CTDP1: variants seen among roughly 807,000 people sequenced by gnomAD.
CTDP1 encodes CTD phosphatase 1.
A neutral mutation model predicts 91.8 loss-of-function variants in CTDP1; 47 were observed. The ratio of observed to expected loss-of-function variants is 0.51; its 90% CI spans 0.41 to 0.65. The LOEUF (loss-of-function observed/expected upper bound fraction) is 0.65, where lower values mean the gene tolerates loss of function less well. CTDP1 is among the 30% of genes least tolerant of loss of function. The probability of loss-of-function intolerance (pLI) is 0.00; values close to 1 mark genes in which losing one functional copy is unlikely to be tolerated. For synonymous variants in CTDP1, 656 were observed against 598.5 expected, an observed-to-expected ratio of 1.10 and a Z score of -1.40; for missense variants, 1,272 against 1,373.7, an observed-to-expected ratio of 0.93 and a Z score of 1.17.
intron 12 of CTDP1, among the ~76,000 whole-genome samples, chr18:79,742,482 G>A (rs533936613): frequency 3.3e-5 from 5 of 152,316 alleles, no homozygotes; most frequent in Admixed American, 6.5e-5. Context: ...ACTAGCAGAC[G>A]CACCTTACAA....
chr18:79,736,396 C>T lies in CTDP1; in HGVS notation c.2622C>T (p.Ser874=), dbSNP rs533283472. Residue 874 remains serine, a synonymous_variant, in exon 12 of 13, where the codon AGC becomes AGT. Transcript: ENST00000613122. Reference sequence around the variant, plus strand: ...GAGAAGGCAGCGACGACAGCGACAGCGAGAAGAGGAGGCCTGAGGAGCAGG... The same window carrying T: ...GAGAAGGCAGCGACGACAGCGACAGTGAGAAGAGGAGGCCTGAGGAGCAGG... The part of the protein sequence containing the change: ...ILGEGSDDSD[S]EKRRPEEQEE... 4.5e-5 allele frequency: 70 copies of T among 1,549,414 alleles called. No homozygotes were observed. The South Asian group carries it at 6.1e-4, about 13-fold the overall frequency.
At chr18:79,690,306 G>GT (rs2085593539) in intron 1 of CTDP1, among the ~76,000 whole-genome samples, 1 of 152,170 alleles carries the variant, frequency 6.6e-6, no homozygotes, top group Admixed American at 6.5e-5. Flanking sequence ...ACAGAGTTTG[G>GT]TACTTACTAT....
chr18:79,697,659 T>C (rs1326564858), intron 3 of CTDP1, among the ~76,000 whole-genome samples: 1 of 152,226 alleles, frequency 6.6e-6, no homozygotes, highest in Non-Finnish European at 1.5e-5. Flanking sequence ...AACTGAATTA[T>C]AAAATTGTGG....
At chr18:79,695,008 G>A (rs754540604) in intron 1 of CTDP1, among the ~76,000 whole-genome samples, 1 of 152,154 alleles carries the variant, frequency 6.6e-6, no homozygotes, top group Non-Finnish European at 1.5e-5. Context: ...GAGGTGTGGT[G>A]GCGTGTCATT....
chr18:79,686,927 G>A (rs2085508083), intron 1 of CTDP1, among the ~76,000 whole-genome samples: 2 of 149,268 alleles, frequency 1.3e-5, no homozygotes, highest in South Asian at 2.2e-4. Context: ...GCAGCAGTTG[G>A]CTTCTCCAGT....
upstream of CTDP1, chr18:79,679,293 G>C (rs867850853): frequency 2.4e-6 from 1 of 410,676 alleles, no homozygotes; most frequent in Admixed American, 2.5e-5. Flanking sequence ...TCCGGGGGGG[G>C]ACACGAGGCG....
Position 79,715,050 on chromosome 18 carries a change from G to GCCCAA in CTDP1, c.1590_1591insCCCAA (p.Gly531ProfsTer111). 5 of 1,610,356 alleles carry GCCCAA rather than the reference G, an allele frequency of 3.1e-6. No homozygotes were observed. Among genetic ancestry groups the GCCCAA allele is most frequent in the Non-Finnish European group, 4.2e-6 (5 of 1,178,902 alleles). On this transcript the variant is annotated frameshift_variant, in exon 8 of 13. Coordinates refer to ENST00000613122, the MANE Select transcript of CTDP1 (RefSeq NM_004715.5). LOFTEE classifies it high-confidence loss of function. ...ATGCCCCGGACAAGGAGCCTGAGCT[G>GCCCAA]GGTGGGCAGGAGGAGGGCGAGCGGG...
At chr18:79,680,405 C>T (rs1488142962) in intron 1 of CTDP1, 144 bp downstream of exon 1, 3 of 616,560 alleles carry the variant, frequency 4.9e-6, no homozygotes, top group East Asian at 3.6e-5. Flanking sequence ...TGCGCTTCTC[C>T]CCTAAAACTG....
intron 1 of CTDP1, chr18:79,681,590 C>G: frequency 1.6e-6 from 1 of 631,994 alleles, no homozygotes; most frequent in Non-Finnish European, 2.0e-6. Context: ...TAAAACCAAC[C>G]CAGTGCATCA....
At chr18:79,730,514 T>C (rs1050762729) in intron 11 of CTDP1, among the ~76,000 whole-genome samples, 5 of 152,216 alleles carry the variant, frequency 3.3e-5, no homozygotes, top group Non-Finnish European at 7.3e-5. Flanking sequence ...ACTCAGCAGC[T>C]TTCAGCCACC....
chr18:79,702,717 G>T (rs2085886740), intron 4 of CTDP1: 1 of 152,194 alleles, frequency 6.6e-6, no homozygotes, highest in African/African-American at 2.4e-5. Flanking sequence ...TAGGTACATT[G>T]TTCTTTTAGA....
chr18:79,725,222 C>G (rs1420495493), intron 10 of CTDP1, among the ~76,000 whole-genome samples: 2 of 152,146 alleles, frequency 1.3e-5, no homozygotes, highest in Non-Finnish European at 2.9e-5. Context: ...GTTGAGGGGC[C>G]TGTGGGGCTG....
Position 79,715,489 on chromosome 18 carries a change from GC to G in CTDP1, c.2033del (p.Pro678LeufsTer7). The part of the protein sequence containing the change: ...ILTRLVLSPD[A>X]PDRATHLIAA... ...CACTCGGCTGGTGCTGAGCCCCGACGCCCCTGACAGGGCCACGCACCTGATC... is the reference window on the plus strand; with the variant it reads ...CACTCGGCTGGTGCTGAGCCCCGACGCCCTGACAGGGCCACGCACCTGATC... On this transcript the variant is annotated frameshift_variant, in exon 8 of 13. Coordinates refer to ENST00000613122, the MANE Select transcript of CTDP1 (RefSeq NM_004715.5). LOFTEE classifies it high-confidence loss of function. 1 of 1,575,070 alleles carries G rather than the reference GC, an allele frequency of 6.3e-7. No homozygotes were observed. The highest frequency in any genetic ancestry group is 1.3e-5 in the African/African-American group (1 of 74,256).
intron 5 of CTDP1, among the ~76,000 whole-genome samples, chr18:79,709,320 ATTGAAGACTTTG>A (rs2086033553): frequency 1.3e-5 from 2 of 152,212 alleles, no homozygotes; most frequent in African/African-American, 4.8e-5. Context: ...TTTACTGTAA[ATTGAAGACTTTG>A]CAAACTTAGG....
chr18:79,697,374 G>T (rs1200967316), intron 3 of CTDP1, among the ~76,000 whole-genome samples: 1 of 152,234 alleles, frequency 6.6e-6, no homozygotes, highest in African/African-American at 2.4e-5. Context: ...CGCGTGGAGG[G>T]ACACCCCGAT....
At chr18:79,738,266 G>A (rs1041662774) in intron 12 of CTDP1, among the ~76,000 whole-genome samples, 6 of 152,184 alleles carry the variant, frequency 3.9e-5, no homozygotes, top group South Asian at 2.1e-4. Context: ...AGGTAACCTC[G>A]GAGGCTTTGT....
At chr18:79,704,135 G>T (rs2085914735) in intron 4 of CTDP1, among the ~76,000 whole-genome samples, 1 of 152,206 alleles carries the variant, frequency 6.6e-6, no homozygotes, top group Non-Finnish European at 1.5e-5. Flanking sequence ...TCCCGCAGCA[G>T]AGAAGGCCGC....
intron 5 of CTDP1, among the ~76,000 whole-genome samples, chr18:79,706,999 T>C (rs2085979723): frequency 6.6e-6 from 1 of 152,256 alleles, no homozygotes; most frequent in African/African-American, 2.4e-5. Context: ...CTTCTCCAGG[T>C]CTCTCTCTGA....
At chr18:79,705,321 G>C (rs1402681958) in intron 5 of CTDP1, among the ~76,000 whole-genome samples, 1 of 152,188 alleles carries the variant, frequency 6.6e-6, no homozygotes. Context: ...GGTACCCTTA[G>C]GGTTTAGCGT....
Sources: gnomAD v4.1 joint callset for allele counts (sites outside exome capture counted in the v4.1 genomes callset) on GRCh38, gnomAD v4.1.1 for gene constraint, MANE v1.5 for transcripts, NCBI Gene and HGNC (gene_info 2026-07-23, HGNC 2026-07-21) for gene names.